LRRC4C: variants seen among roughly 807,000 people sequenced by gnomAD.
LRRC4C encodes leucine-rich repeat-containing protein 4C.
LRRC4C carries 5 observed loss-of-function variants against 33.6 expected under a neutral mutation model. The ratio of observed to expected loss-of-function variants is 0.15; its 90% CI spans 0.08 to 0.31. The LOEUF is 0.31. Ranked by LOEUF, LRRC4C falls within the 10% of genes least tolerant of loss-of-function variation. The pLI is 1.00. For missense variants in LRRC4C, 560 were observed against 796.7 expected (o/e 0.70, Z 3.58); for synonymous variants, 329 against 302.0 (o/e 1.09, Z -0.93).
At chr11:40,314,691 T>C (rs1945488801) in intron 4 of LRRC4C, among the ~76,000 whole-genome samples, 2 of 152,142 alleles carry the variant, frequency 1.3e-5, no homozygotes, top group South Asian at 4.1e-4. Context: ...ATATGGTATA[T>C]ATACTCAATA....
rs965736844 is a variant in LRRC4C at position 40,711,639 on chromosome 11, T to C, written c.-406-63361A>G. Among the ~76,000 whole-genome samples the C allele has an allele frequency of 5.9e-5, 9 of 151,838 alleles. No individual in the cohort carries two copies. In the South Asian group the frequency reaches 1.9e-3, roughly 32 times the overall value. ...AACATTACTTTTGTACTAGTTTGCT[T>C]GATAGTAGATAGACATGACCTGAAT... On this transcript the variant is annotated intron_variant, in intron 2 of 6. Coordinates refer to ENST00000528697, the MANE Select transcript of LRRC4C (RefSeq NM_001258419.2).
chr11:40,159,058 C>A (rs1858943587), intron 5 of LRRC4C, among the ~76,000 whole-genome samples: 1 of 152,092 alleles, frequency 6.6e-6, no homozygotes, highest in African/African-American at 2.4e-5. Context: ...AATTATACTA[C>A]ACTGCGAAAA....
chr11:40,343,825 C>T (rs1306618844), intron 3 of LRRC4C, among the ~76,000 whole-genome samples: 1 of 151,478 alleles, frequency 6.6e-6, no homozygotes. Context: ...GTCATTACCA[C>T]TGATGCCATA....
chr11:40,241,399 A>C (rs1439320475), intron 5 of LRRC4C, 120 bp downstream of exon 5: 1 of 152,180 alleles, frequency 6.6e-6, no homozygotes, highest in African/African-American at 2.4e-5. Context: ...TGAATAAATA[A>C]ATAAATAAAT....
intron 1 of LRRC4C, among the ~76,000 whole-genome samples, chr11:41,244,131 C>T (rs1326376590): frequency 6.6e-6 from 1 of 151,354 alleles, no homozygotes; most frequent in East Asian, 1.9e-4. Flanking sequence ...AGTTTATTGG[C>T]CTTCATTTCA....
chr11:40,194,027 C>T (rs1367272331), intron 5 of LRRC4C, among the ~76,000 whole-genome samples: 2 of 152,168 alleles, frequency 1.3e-5, no homozygotes, highest in Non-Finnish European at 2.9e-5. Flanking sequence ...AGTTGGAAAA[C>T]ACACTTCAGG....
intron 2 of LRRC4C, among the ~76,000 whole-genome samples, chr11:40,819,637 T>C (rs1307756195): frequency 1.3e-5 from 2 of 152,080 alleles, no homozygotes; most frequent in Non-Finnish European, 1.5e-5. Flanking sequence ...GCTAGCCGCA[T>C]AGTCCTGGTC....
rs183817326 is a variant in LRRC4C, at chr11:41,241,016, G to A, written c.-496+218415C>T. Reference sequence around the variant, plus strand: ...GTCATGAGATCTGAGTCTTTCTCTAGGTTCTATAATTACCTTGCTTTACAA... The same window carrying A: ...GTCATGAGATCTGAGTCTTTCTCTAAGTTCTATAATTACCTTGCTTTACAA... On this transcript the variant is annotated intron_variant, in intron 1 of 6. Coordinates refer to ENST00000528697, the MANE Select transcript of LRRC4C (RefSeq NM_001258419.2). Among the ~76,000 whole-genome samples, 328 of 152,202 alleles carry A rather than the reference G, an allele frequency of 2.2e-3. 2 individuals carry two copies. Among genetic ancestry groups the A allele is most frequent in the African/African-American group, 7.5e-3 (313 of 41,540 alleles).
intron 2 of LRRC4C, among the ~76,000 whole-genome samples, chr11:40,832,418 A>G (rs1952459543): frequency 6.6e-6 from 1 of 152,176 alleles, no homozygotes; most frequent in Admixed American, 6.6e-5. Flanking sequence ...ACATTTTAGT[A>G]TGTCAGACTC....
intron 1 of LRRC4C, among the ~76,000 whole-genome samples, chr11:41,430,457 T>G (rs1345542552): frequency 6.6e-6 from 1 of 152,118 alleles, no homozygotes. Flanking sequence ...GTTGTGCCAG[T>G]TCCTAGACAA....
chr11:40,597,095 C>A (rs1959411581), intron 3 of LRRC4C, among the ~76,000 whole-genome samples: 1 of 152,076 alleles, frequency 6.6e-6, no homozygotes, highest in South Asian at 2.1e-4. Context: ...GAAAAATCAT[C>A]AGTTTAAGAA....
intron 2 of LRRC4C, among the ~76,000 whole-genome samples, chr11:40,689,520 A>C (rs1451390716): frequency 6.6e-6 from 1 of 152,136 alleles, no homozygotes; most frequent in Admixed American, 6.6e-5. Context: ...TATTTATAAC[A>C]ATCATGACTT....
In LRRC4C at chr11:40,952,849, A is replaced by AACACAC. The variant is rs56684958; in HGVS notation, c.-495-19132_-495-19127dup. 3.5e-3 allele frequency among the ~76,000 whole-genome samples: 393 copies of AACACAC among 112,750 alleles called. 2 individuals carry two copies. The highest frequency in any genetic ancestry group is 7.8e-3 in the African/African-American group (210 of 26,958). 74.0% of individuals were successfully genotyped at this position (112,750 alleles called of 152,430 possible). On this transcript the variant is annotated intron_variant, in intron 1 of 6. Transcript: ENST00000528697. ...TCACACACACCTCTGTCTATTTCCA[A>AACACAC]ACACACACACACACACACACACACA...
In LRRC4C at chr11:41,167,062, A is replaced by T. The variant is rs543832783; in HGVS notation, c.-495-233339T>A. Among the ~76,000 whole-genome samples, 15 of 152,330 alleles carry T rather than the reference A, an allele frequency of 9.8e-5. No individual in the cohort carries two copies. In the South Asian group the frequency reaches 2.9e-3, roughly 29 times the overall value. ...AATTCCATCACTACATAATGGATAC[A>T]GCAAAACCAGTGACATACATTTTGC... On this transcript the variant is annotated intron_variant, in intron 1 of 6. Coordinates refer to ENST00000528697, the MANE Select transcript of LRRC4C (RefSeq NM_001258419.2).
intron 3 of LRRC4C, among the ~76,000 whole-genome samples, chr11:40,497,874 A>T (rs1269216314): frequency 6.6e-6 from 1 of 152,230 alleles, no homozygotes; most frequent in African/African-American, 2.4e-5. Context: ...CAGTTCTTAT[A>T]AAAACTGAAT....
intron 3 of LRRC4C, among the ~76,000 whole-genome samples, chr11:40,374,415 C>T (rs560570039): frequency 2.6e-5 from 4 of 152,192 alleles, no homozygotes; most frequent in Admixed American, 6.5e-5. Flanking sequence ...CATGTGCTCA[C>T]GTTGTTATTT....
intron 2 of LRRC4C, among the ~76,000 whole-genome samples, chr11:40,773,397 G>A (rs1322404206): frequency 1.3e-5 from 2 of 151,902 alleles, no homozygotes; most frequent in Non-Finnish European, 2.9e-5. Context: ...AACACTTGGG[G>A]TAACAGATAT....
At chr11:40,974,506 A>G (rs1851945356) in intron 1 of LRRC4C, among the ~76,000 whole-genome samples, 1 of 152,252 alleles carries the variant, frequency 6.6e-6, no homozygotes, top group Non-Finnish European at 1.5e-5. Context: ...AGATACAACC[A>G]CAACATAAAT....
intron 2 of LRRC4C, among the ~76,000 whole-genome samples, chr11:40,711,581 T>C (rs1946467726): frequency 6.6e-6 from 1 of 152,304 alleles, no homozygotes; most frequent in South Asian, 2.1e-4. Flanking sequence ...ATTATATTTA[T>C]GTGTTATGGA....
Sources: allele counts gnomAD v4.1 joint callset (sites outside exome capture counted in the v4.1 genomes callset), GRCh38; gene constraint gnomAD v4.1.1; transcripts MANE v1.5; gene names NCBI Gene and HGNC (gene_info 2026-07-23, HGNC 2026-07-21).